PCDH9: variants seen among roughly 807,000 people sequenced by gnomAD.
PCDH9 encodes the protein protocadherin 9, also known as protocadherin-9.
In PCDH9, 24 loss-of-function variants were observed where a neutral mutation model predicts 70.6. The ratio of observed to expected loss-of-function variants is 0.34; its 90% CI spans 0.25 to 0.48. The LOEUF (loss-of-function observed/expected upper bound fraction) is 0.48. Among genes scored for constraint, PCDH9 ranks in the 20% least tolerant of loss-of-function variants. The probability of loss-of-function intolerance (pLI) is 0.99; values close to 1 mark genes in which losing one functional copy is unlikely to be tolerated. For synonymous variants in PCDH9, 562 were observed against 558.5 expected (o/e 1.01, Z -0.09); for missense variants, 1,281 against 1,503.6 (o/e 0.85, Z 2.45).
At chr13:67,164,107 A>G (rs2088039082) in intron 2 of PCDH9, among the ~76,000 whole-genome samples, 1 of 152,230 alleles carries the variant, frequency 6.6e-6, no homozygotes, top group African/African-American at 2.4e-5. Flanking sequence ...GTGCACCTTC[A>G]CATAATGCAA....
intron 4 of PCDH9, among the ~76,000 whole-genome samples, chr13:66,356,446 T>A (rs967106365): frequency 6.6e-6 from 1 of 152,220 alleles, no homozygotes; most frequent in African/African-American, 2.4e-5. Context: ...ATCTTTTCTA[T>A]ATACCCTCTC....
chr13:67,080,673 T>A (rs1594482951), intron 2 of PCDH9, among the ~76,000 whole-genome samples: 1 of 152,322 alleles, frequency 6.6e-6, no homozygotes, highest in East Asian at 1.9e-4. Context: ...CAATTTGCGA[T>A]TTCAGAATAG....
intron 3 of PCDH9, among the ~76,000 whole-genome samples, chr13:66,808,954 C>A (rs1399156598): frequency 6.6e-6 from 1 of 152,106 alleles, no homozygotes; most frequent in East Asian, 1.9e-4. Context: ...TAAATACATT[C>A]TTGTTTGTTT....
chr13:66,505,299 G>A (rs1959199804), intron 4 of PCDH9, among the ~76,000 whole-genome samples: 1 of 152,194 alleles, frequency 6.6e-6, no homozygotes, highest in East Asian at 1.9e-4. Context: ...CATGACTGGG[G>A]AGGCCTCACA....
intron 3 of PCDH9, among the ~76,000 whole-genome samples, chr13:66,681,969 T>TATATATATATATATATATATATATG (rs1184051895): frequency 3.8e-5 from 2 of 52,472 alleles, no homozygotes; most frequent in East Asian, 4.2e-4. Flanking sequence ...ATATATATAT[T>TATATATATATATATATATATATATG]TGAGAGATTT....
At chr13:66,915,615 T>C (rs899526482) in intron 2 of PCDH9, among the ~76,000 whole-genome samples, 43 of 151,624 alleles carry the variant, frequency 2.8e-4, no homozygotes, top group African/African-American at 1.0e-3. Flanking sequence ...CAGCTACAGA[T>C]TATGTAAAAT....
intron 4 of PCDH9, among the ~76,000 whole-genome samples, chr13:66,447,013 T>C (rs1252715828): frequency 6.6e-6 from 1 of 152,054 alleles, no homozygotes; most frequent in Non-Finnish European, 1.5e-5. Context: ...TTCATAAGTT[T>C]AGGAGTGTGA....
rs549607114 is a variant in PCDH9, at chr13:67,114,869, G to A, written c.3036+110536C>T. ...TTTTCCTTTGTATCTGATTAGACTG[G>A]CATTATGTAGAAATTGCCTTAGTTT... On this transcript the variant is annotated intron_variant, in intron 2 of 4. Coordinates refer to ENST00000377865, the MANE Select transcript of PCDH9 (RefSeq NM_203487.3). Among the ~76,000 whole-genome samples the A allele has an allele frequency of 2.6e-5, 4 of 152,296 alleles. No individual in the cohort carries two copies. The South Asian group carries it at 8.3e-4, about 32-fold the overall frequency.
chr13:66,600,723 A>C (rs2077155315), intron 4 of PCDH9, among the ~76,000 whole-genome samples: 1 of 145,080 alleles, frequency 6.9e-6, no homozygotes, highest in African/African-American at 2.5e-5. Flanking sequence ...TGTATTCATA[A>C]AAATGAATGT....
rs746905103 is a variant in PCDH9 at position 66,304,856 on chromosome 13, G to A, written c.3513C>T (p.Asp1171=). The part of the protein sequence containing the change: ...FAPQKEWVKK[D]KLVNGHTLTR... ...TCAGGGTGTGCCCATTCACAAGCTT[G>A]TCCTTCTTCACCCATTCTTTCTGGG... Residue 1171 remains aspartate (D), a synonymous_variant, in exon 5 of 5, where the codon GAC becomes GAT. Coordinates refer to ENST00000377865, the MANE Select transcript of PCDH9 (RefSeq NM_203487.3). 42 of 1,613,516 alleles carry A rather than the reference G, an allele frequency of 2.6e-5. No homozygotes were observed. Among genetic ancestry groups the A allele is most frequent in the Middle Eastern group, 1.7e-4 (1 of 6,060 alleles).
chr13:66,500,219 T>C (rs1340073235), intron 4 of PCDH9, among the ~76,000 whole-genome samples: 1 of 152,190 alleles, frequency 6.6e-6, no homozygotes, highest in Non-Finnish European at 1.5e-5. Context: ...TTTATAATTG[T>C]AATCCCTTTG....
At chr13:66,991,473 C>T (rs2084001495) in intron 2 of PCDH9, among the ~76,000 whole-genome samples, 1 of 151,462 alleles carries the variant, frequency 6.6e-6, no homozygotes, top group African/African-American at 2.4e-5. Context: ...TGAGAGATCT[C>T]AAAATAAAAT....
chr13:66,969,082 A>G (rs183105980), intron 2 of PCDH9, among the ~76,000 whole-genome samples: 1 of 152,158 alleles, frequency 6.6e-6, no homozygotes, highest in Non-Finnish European at 1.5e-5. Context: ...TGGCATTGCT[A>G]ATTTATTTCT....
intron 2 of PCDH9, among the ~76,000 whole-genome samples, chr13:67,009,730 G>A (rs1358687114): frequency 6.6e-6 from 1 of 151,688 alleles, no homozygotes; most frequent in African/African-American, 2.4e-5. Flanking sequence ...TTTTATTGAT[G>A]GTTAACTGCC....
chr13:66,495,960 G>T (rs1221512324), intron 4 of PCDH9, among the ~76,000 whole-genome samples: 1 of 152,136 alleles, frequency 6.6e-6, no homozygotes, highest in Non-Finnish European at 1.5e-5. Flanking sequence ...ACCTACCTAT[G>T]TTGATTTGCT....
chr13:66,512,357 G>A (rs913194073), intron 4 of PCDH9, among the ~76,000 whole-genome samples: 5 of 151,012 alleles, frequency 3.3e-5, no homozygotes, highest in African/African-American at 1.2e-4. Context: ...AATGGGTTGT[G>A]TCAATTATAT....
intron 4 of PCDH9, among the ~76,000 whole-genome samples, chr13:66,564,642 TC>T (rs11349993): frequency 0.26 from 40,197 of 151,946 alleles, 5,598 homozygotes; most frequent in South Asian, 0.35. Context: ...CCACGATTTT[TC>T]CCCCTTTCTT....
chr13:67,058,132 C>A, intron 2 of PCDH9, among the ~76,000 whole-genome samples: 1 of 152,026 alleles, frequency 6.6e-6, no homozygotes, highest in East Asian at 1.9e-4. Flanking sequence ...AGAATGTTTG[C>A]TATGTTATTG....
At chr13:66,826,166 A>G (rs1028774591) in intron 3 of PCDH9, among the ~76,000 whole-genome samples, 4 of 152,156 alleles carry the variant, frequency 2.6e-5, no homozygotes, top group African/African-American at 9.6e-5. Context: ...ATATTCAAAA[A>G]CTTAAAGAAG....
Sources: allele counts gnomAD v4.1 joint callset (sites outside exome capture counted in the v4.1 genomes callset), GRCh38; gene constraint gnomAD v4.1.1; transcripts MANE v1.5; gene names NCBI Gene and HGNC (gene_info 2026-07-23, HGNC 2026-07-21).